The following FOXK1 variants were observed in gnomAD, a reference collection of about 807,000 sequenced individuals.
FOXK1 encodes forkhead box K1, also known as forkhead box protein K1.
Under a neutral mutation model 51.9 loss-of-function variants are expected in FOXK1, and 19 were observed. The observed-to-expected ratio is 0.37, with a 90% CI of 0.26 to 0.54. The LOEUF is 0.54. FOXK1 is among the 20% of genes least tolerant of loss of function. The pLI is 0.87. For synonymous variants in FOXK1, 537 were observed against 482.6 expected (o/e 1.11, Z -1.48); for missense variants, 870 against 1,032.7 (o/e 0.84, Z 2.16).
At chr7:4,693,160 T>C (rs1395070475) in intron 1 of FOXK1, among the ~76,000 whole-genome samples, 2 of 152,202 alleles carry the variant, frequency 1.3e-5, no homozygotes, top group East Asian at 3.8e-4. Context: ...TTGGCAAGAA[T>C]ATTGATTGAG....
At position 4,766,525 on chromosome 7, in the gene FOXK1, A is replaced by G. The variant is rs571228049; in HGVS notation, c.*4061A>G. 1 of 152,376 alleles carries G rather than the reference A, an allele frequency of 6.6e-6. No homozygotes were observed. The highest frequency in any genetic ancestry group is 6.5e-5 in the Admixed American group (1 of 15,296). The allele number at this position is 152,376 out of a possible 1,614,324, so 9.4% of individuals were successfully genotyped here. On this transcript the variant is annotated 3_prime_UTR_variant, in exon 9 of 9. Transcript: ENST00000328914. The surrounding 1 kb of genome is among the most constrained non-coding windows in gnomAD (Gnocchi z 5.5). ...TATCTCCCTTTTCTTTGATTTAAGAACAATGCCAAGTGAAAAAGCTGGGAA... is the reference window on the plus strand; with the variant it reads ...TATCTCCCTTTTCTTTGATTTAAGAGCAATGCCAAGTGAAAAAGCTGGGAA...
rs1272631214 is a variant in FOXK1, at chr7:4,731,892, C to T, written c.561-8946C>T. ...GAAGCACATTTTCAGTAACCGCTTG[C>T]TACGTGCCAGCCGTCCGGTCAGGAC... On this transcript the variant is annotated intron_variant, in intron 1 of 8. Transcript: ENST00000328914. The surrounding 1 kb of genome is among the most constrained non-coding windows in gnomAD (Gnocchi z 5.3). 1.3e-5 allele frequency among the ~76,000 whole-genome samples: 2 copies of T among 152,228 alleles called. No individual in the cohort carries two copies. Among genetic ancestry groups the T allele is most frequent in the African/African-American group, 2.4e-5 (1 of 41,460 alleles).
chr7:4,724,373 T>G (rs1780352789), intron 1 of FOXK1, among the ~76,000 whole-genome samples: 1 of 152,172 alleles, frequency 6.6e-6, no homozygotes, highest in South Asian at 2.1e-4. Context: ...TTTATGTATT[T>G]TTTTGTAGAG....
intron 5 of FOXK1, 83 bp downstream of exon 5, chr7:4,757,270 C>T (rs1356724711): frequency 1.6e-6 from 2 of 1,246,978 alleles, no homozygotes; most frequent in African/African-American, 1.5e-5. Flanking sequence ...CGCAGTCAGC[C>T]CTCCGGATCT....
chr7:4,698,886 C>A (rs1445957977), intron 1 of FOXK1, among the ~76,000 whole-genome samples: 1 of 152,170 alleles, frequency 6.6e-6, no homozygotes, highest in African/African-American at 2.4e-5. Flanking sequence ...TGGGGTCTTG[C>A]TGTGTTGCCC....
rs1780802072 is a variant in FOXK1 at position 4,753,266 on chromosome 7, C to G, written c.747-1193C>G. ...CTCCATCCAAAAAATGTTTCTTGAG[C>G]CCCGCCTGCACCCAAGGGGGCTCCT... On this transcript the variant is annotated intron_variant, in intron 2 of 8. Transcript: ENST00000328914. The surrounding 1 kb of genome is among the most constrained non-coding windows in gnomAD (Gnocchi z 4.9). 6.6e-6 allele frequency among the ~76,000 whole-genome samples: 1 copy of G among 152,126 alleles called. No homozygotes were observed.
rs1044910036 is a variant in FOXK1, at chr7:4,766,121, G to C, written c.*3657G>C. The C allele has an allele frequency of 1.3e-5, 2 of 152,286 alleles. No individual in the cohort carries two copies. Among genetic ancestry groups the C allele is most frequent in the African/African-American group, 2.4e-5 (1 of 41,466 alleles). The allele number at this position is 152,286 out of a possible 1,614,324, so 9.4% of individuals were successfully genotyped here. A position where few individuals can be genotyped will look rare whatever the true frequency, so the allele number is the denominator to read the frequency against. On this transcript the variant is annotated 3_prime_UTR_variant, in exon 9 of 9. Coordinates refer to ENST00000328914, the MANE Select transcript of FOXK1 (RefSeq NM_001037165.2). This position sits in a 1 kb window ranked among gnomAD's most constrained non-coding sequence, Gnocchi z 5.5. Reference sequence around the variant, plus strand: ...TGACACCTGCCCTCCGTTGAGGGTGGAATCTGTCACTCATGCCTTTGAGGG... The same window carrying C: ...TGACACCTGCCCTCCGTTGAGGGTGCAATCTGTCACTCATGCCTTTGAGGG...
intron 1 of FOXK1, among the ~76,000 whole-genome samples, chr7:4,685,028 G>A (rs746048214): frequency 1.2e-4 from 18 of 151,850 alleles, no homozygotes; most frequent in Non-Finnish European, 2.4e-4. Context: ...ATGCCCGCCC[G>A]CTGACTTGGT....
chr7:4,737,551 C>CGTGTGTGTGTGTGTGTG (rs762298656), intron 1 of FOXK1, among the ~76,000 whole-genome samples: 12 of 76,476 alleles, frequency 1.6e-4, no homozygotes, highest in African/African-American at 7.4e-4. Flanking sequence ...TGTGTGCGTG[C>CGTGTGTGTGTGTGTGTG]CTGTGTGTGT....
At position 4,715,849 on chromosome 7, in the gene FOXK1, C is replaced by G. The variant is rs1320081025; in HGVS notation, c.561-24989C>G. 6.6e-6 allele frequency among the ~76,000 whole-genome samples: 1 copy of G among 152,196 alleles called. No individual in the cohort carries two copies. Among genetic ancestry groups the G allele is most frequent in the African/African-American group, 2.4e-5 (1 of 41,452 alleles). ...TGTAGGAAAAGCAAAACTCACAAGA[C>G]AATCCTTCCAGCCACTGGTCACAGG... On this transcript the variant is annotated intron_variant, in intron 1 of 8. Coordinates refer to ENST00000328914, the MANE Select transcript of FOXK1 (RefSeq NM_001037165.2). This position sits in a 1 kb window ranked among gnomAD's most constrained non-coding sequence, Gnocchi z 4.5.
In FOXK1 at chr7:4,749,224, G is replaced by A. The variant is rs760821360; in HGVS notation, c.747-5235G>A. Among the ~76,000 whole-genome samples the A allele has an allele frequency of 8.5e-5, 13 of 152,264 alleles. No homozygotes were observed. The highest frequency in any genetic ancestry group is 5.8e-4 in the East Asian group (3 of 5,188). The stretch of plus-strand genomic sequence containing the variant: ...CTTACTGTCCTACAGAGACGGCATC[G>A]TTACCTCCCTAGGGACGGGAACCAT... On this transcript the variant is annotated intron_variant, in intron 2 of 8. Transcript: ENST00000328914. This position sits in a 1 kb window ranked among gnomAD's most constrained non-coding sequence, Gnocchi z 6.0.
At chr7:4,696,620 G>A (rs761647153) in intron 1 of FOXK1, among the ~76,000 whole-genome samples, 4 of 152,262 alleles carry the variant, frequency 2.6e-5, no homozygotes, top group South Asian at 2.1e-4. Context: ...TGGTTCTTTC[G>A]GGAGGCATTT....
At chr7:4,757,578 C>T (rs1345024321) in intron 5 of FOXK1, among the ~76,000 whole-genome samples, 2 of 128,302 alleles carry the variant, frequency 1.6e-5, no homozygotes, top group East Asian at 2.3e-4. Flanking sequence ...TGCAGTGAGC[C>T]GAGATTGTAT....
chr7:4,751,583 C>CG lies in FOXK1; in HGVS notation c.747-2871dup, dbSNP rs1364378388. ...CCTCCGTCAGCTGCAGGCCTGGTATCGGGGGCCTTGGTATCAGGAGCCTGG... is the reference window on the plus strand; with the variant it reads ...CCTCCGTCAGCTGCAGGCCTGGTATCGGGGGGCCTTGGTATCAGGAGCCTGG... On this transcript the variant is annotated intron_variant, in intron 2 of 8. Coordinates refer to ENST00000328914, the MANE Select transcript of FOXK1 (RefSeq NM_001037165.2). Among the ~76,000 whole-genome samples the CG allele has an allele frequency of 5.3e-5, 8 of 152,318 alleles. No individual in the cohort carries two copies. The East Asian group carries it at 1.5e-3, about 29-fold the overall frequency.
At position 4,709,075 on chromosome 7, in the gene FOXK1, AAAAAG is replaced by A. The variant is rs1247229143; in HGVS notation, c.560+26222_560+26226del. 6.6e-5 allele frequency among the ~76,000 whole-genome samples: 10 copies of A among 151,584 alleles called. No individual in the cohort carries two copies. Among genetic ancestry groups the A allele is most frequent in the East Asian group, 1.9e-4 (1 of 5,168 alleles). ...CGAGACTCTGTCTCAAAAAAAAAAA[AAAAAG>A]AAAAGAAAAGAAAAAGAAAAACAAG... On this transcript the variant is annotated intron_variant, in intron 1 of 8. Transcript: ENST00000328914. This position sits in a 1 kb window ranked among gnomAD's most constrained non-coding sequence, Gnocchi z 5.6.
At position 4,755,408 on chromosome 7, in the gene FOXK1, A is replaced by G. The variant is rs533424307; in HGVS notation, c.1050+25A>G. On this transcript the variant is annotated intron_variant, in intron 4 of 8. Coordinates refer to ENST00000328914, the MANE Select transcript of FOXK1 (RefSeq NM_001037165.2). The surrounding 1 kb of genome is among the most constrained non-coding windows in gnomAD (Gnocchi z 6.6). The stretch of plus-strand genomic sequence containing the variant: ...GGTGAAGCCGAGTCCCCAGGGCCGG[A>G]TCGCCTCTGAAGGCCCTTAGAACAT... 1.7e-5 allele frequency: 28 copies of G among 1,612,216 alleles called. No homozygotes were observed. Among genetic ancestry groups the G allele is most frequent in the Admixed American group, 3.3e-5 (2 of 59,968 alleles).
intron 1 of FOXK1, among the ~76,000 whole-genome samples, chr7:4,693,196 A>G (rs1227942712): frequency 6.6e-6 from 1 of 152,242 alleles, no homozygotes; most frequent in Non-Finnish European, 1.5e-5. Flanking sequence ...AATGTTAATT[A>G]TAAAAAACAA....
Position 4,730,341 on chromosome 7 carries a change from T to G in FOXK1, c.561-10497T>G, listed in dbSNP as rs1583199362. 6.6e-6 allele frequency among the ~76,000 whole-genome samples: 1 copy of G among 152,320 alleles called. No homozygotes were observed. Among genetic ancestry groups the G allele is most frequent in the East Asian group, 1.9e-4 (1 of 5,180 alleles). On this transcript the variant is annotated intron_variant, in intron 1 of 8. Coordinates refer to ENST00000328914, the MANE Select transcript of FOXK1 (RefSeq NM_001037165.2). The surrounding 1 kb of genome is among the most constrained non-coding windows in gnomAD (Gnocchi z 4.7). ...TGAGTGATGGGCAGGCACAGAGCTG[T>G]GTCTCTGACCACCCTGCTACCCAGC...
intron 3 of FOXK1, chr7:4,754,849 C>T (rs906733007): frequency 6.5e-6 from 4 of 614,618 alleles, no homozygotes; most frequent in Non-Finnish European, 1.1e-5. Context: ...TCACCGAGGG[C>T]CCCTCCCGCC....
Sources: allele counts gnomAD v4.1 joint callset (sites outside exome capture counted in the v4.1 genomes callset), GRCh38; gene constraint gnomAD v4.1.1; non-coding constraint Gnocchi (gnomAD v3.1); transcripts MANE v1.5; gene names NCBI Gene and HGNC (gene_info 2026-07-23, HGNC 2026-07-21).